RAD51B: variants seen among roughly 807,000 people sequenced by gnomAD.
The protein encoded by RAD51B is RAD51 paralog B.
RAD51B carries 38 observed loss-of-function variants against 42.2 expected under a neutral mutation model. The ratio of observed to expected loss-of-function variants is 0.90; its 90% CI spans 0.70 to 1.18. The LOEUF is 1.18. Among genes scored for constraint, RAD51B ranks in the 50% most tolerant of loss-of-function variants. The pLI is 0.00. For synonymous variants in RAD51B, 154 were observed against 145.2 expected (o/e 1.06, Z -0.43); for missense variants, 373 against 400.7 (o/e 0.93, Z 0.59).
downstream of RAD51B, among the ~76,000 whole-genome samples, chr14:68,612,461 A>G (rs7153395): frequency 0.22 from 33,367 of 152,106 alleles, 3,819 homozygotes; most frequent in Admixed American, 0.25. Context: ...ACCTGGTCCT[A>G]TGGGCCAGCT....
intron 7 of RAD51B, among the ~76,000 whole-genome samples, chr14:67,888,400 G>C (rs2043124064): frequency 6.6e-6 from 1 of 152,134 alleles, no homozygotes; most frequent in Non-Finnish European, 1.5e-5. Context: ...TGTGGGTTCT[G>C]CATCCATGGA....
intron 6 of RAD51B, 95 bp downstream of exon 6, chr14:67,886,083 G>A: frequency 9.2e-7 from 1 of 1,084,066 alleles, no homozygotes; most frequent in Non-Finnish European, 1.3e-6. Context: ...AGTCTTTATA[G>A]GTTAGAATTA....
intron 10 of RAD51B, among the ~76,000 whole-genome samples, chr14:68,513,720 C>G (rs941289559): frequency 1.3e-5 from 2 of 152,232 alleles, no homozygotes; most frequent in Admixed American, 6.5e-5. Flanking sequence ...CAACACAACC[C>G]TCACCTCATC....
chr14:68,025,275 T>C (rs1367382246), intron 7 of RAD51B, among the ~76,000 whole-genome samples: 3 of 152,144 alleles, frequency 2.0e-5, no homozygotes, highest in African/African-American at 4.8e-5. Context: ...TTTACACCTA[T>C]GTTTATCAGG....
intron 10 of RAD51B, among the ~76,000 whole-genome samples, chr14:68,534,565 T>C (rs937398749): frequency 6.6e-6 from 1 of 152,044 alleles, no homozygotes; most frequent in Non-Finnish European, 1.5e-5. Context: ...TTTTGGGTGC[T>C]ATGGGGAAAA....
chr14:68,502,366 G>C (rs1388459252), intron 10 of RAD51B, among the ~76,000 whole-genome samples: 4 of 152,154 alleles, frequency 2.6e-5, no homozygotes, highest in Admixed American at 6.5e-5. Context: ...CAGAAGGGAG[G>C]GGGGCGCACA....
chr14:67,986,591 G>A (rs116120204), intron 7 of RAD51B, among the ~76,000 whole-genome samples: 3,587 of 152,232 alleles, frequency 0.024, 80 homozygotes, highest in African/African-American at 0.055. Context: ...TAGCACGAAA[G>A]ATCTTTGTCT....
At chr14:68,256,827 A>G (rs980845022) in intron 7 of RAD51B, among the ~76,000 whole-genome samples, 15 of 152,206 alleles carry the variant, frequency 9.9e-5, no homozygotes, top group African/African-American at 3.6e-4. Flanking sequence ...AAGCGATTGA[A>G]TAGAATCAGA....
At chr14:68,607,867 G>A (rs914619543) in intron 10 of RAD51B, among the ~76,000 whole-genome samples, 8 of 152,264 alleles carry the variant, frequency 5.3e-5, no homozygotes, top group Admixed American at 6.5e-5. Context: ...GGACAGGCCC[G>A]GCCCTACATC....
intron 5 of RAD51B, among the ~76,000 whole-genome samples, chr14:67,866,817 C>G (rs1234795393): frequency 6.6e-6 from 1 of 152,174 alleles, no homozygotes; most frequent in Non-Finnish European, 1.5e-5. Context: ...TTACTTATTT[C>G]TCCTTCATAT....
chr14:68,225,240 A>G (rs1334469397), intron 7 of RAD51B, among the ~76,000 whole-genome samples: 1 of 152,220 alleles, frequency 6.6e-6, no homozygotes, highest in Non-Finnish European at 1.5e-5. Flanking sequence ...ATGGAGGAAC[A>G]TTGTTATACC....
intron 8 of RAD51B, among the ~76,000 whole-genome samples, chr14:68,314,345 A>G (rs2082017192): frequency 6.6e-6 from 1 of 152,132 alleles, no homozygotes. Context: ...TCAGTGGTCA[A>G]CAAGGCATGA....
chr14:68,437,201 T>G (rs1286313243), intron 9 of RAD51B, among the ~76,000 whole-genome samples: 1 of 152,182 alleles, frequency 6.6e-6, no homozygotes, highest in Non-Finnish European at 1.5e-5. Flanking sequence ...ATGCCTAATT[T>G]GTTGAGGATT....
intron 10 of RAD51B, chr14:68,540,299 C>T: frequency 9.6e-7 from 1 of 1,040,494 alleles, no homozygotes; most frequent in Non-Finnish European, 1.2e-6. Context: ...CTACTGCAGA[C>T]CACACCACAA....
At chr14:68,286,433 T>C (rs2081415797) in intron 7 of RAD51B, among the ~76,000 whole-genome samples, 1 of 152,198 alleles carries the variant, frequency 6.6e-6, no homozygotes, top group African/African-American at 2.4e-5. Context: ...GGACCAGATA[T>C]CACATTCCAA....
chr14:68,514,999 C>T (rs1349082311), intron 10 of RAD51B, among the ~76,000 whole-genome samples: 1 of 152,142 alleles, frequency 6.6e-6, no homozygotes, highest in East Asian at 1.9e-4. Context: ...GAGGGCCTGA[C>T]CTAGCCCAGA....
intron 7 of RAD51B, among the ~76,000 whole-genome samples, chr14:68,278,442 A>C (rs896667542): frequency 6.6e-6 from 1 of 152,218 alleles, no homozygotes; most frequent in Admixed American, 6.5e-5. Flanking sequence ...GGATGAAAGG[A>C]GGTCTGTAAC....
At chr14:67,865,959 G>A (rs773812810) in intron 5 of RAD51B, among the ~76,000 whole-genome samples, 1 of 152,154 alleles carries the variant, frequency 6.6e-6, no homozygotes, top group Non-Finnish European at 1.5e-5. Flanking sequence ...AAAAGATGAC[G>A]AGTCACTGGG....
intron 8 of RAD51B, among the ~76,000 whole-genome samples, chr14:68,292,794 G>T (rs986613293): frequency 6.6e-6 from 1 of 152,186 alleles, no homozygotes; most frequent in Non-Finnish European, 1.5e-5. Context: ...TATGGTCTTA[G>T]AAATTGCAAG....
Sources: allele counts gnomAD v4.1 joint callset (sites outside exome capture counted in the v4.1 genomes callset), GRCh38; gene constraint gnomAD v4.1.1; transcripts MANE v1.5; gene names NCBI Gene and HGNC (gene_info 2026-07-23, HGNC 2026-07-21).